ADCY8: variants seen among roughly 807,000 people sequenced by gnomAD.
The protein encoded by ADCY8 is adenylate cyclase type 8.
ADCY8 carries 51 observed loss-of-function variants against 119.7 expected under a neutral mutation model. The observed-to-expected ratio is 0.43, with a 90% CI of 0.34 to 0.54. The LOEUF is 0.54. ADCY8 is among the 20% of genes least tolerant of loss of function. The probability of loss-of-function intolerance (pLI) is 0.03; values close to 1 mark genes in which losing one functional copy is unlikely to be tolerated. For missense variants in ADCY8, 1,383 were observed against 1,598.8 expected, an observed-to-expected ratio of 0.87 and a Z score of 2.30; for synonymous variants, 665 against 651.0, an observed-to-expected ratio of 1.02 and a Z score of -0.33.
chr8:130,910,567 G>A (rs187106670), intron 5 of ADCY8, among the ~76,000 whole-genome samples: 1 of 152,300 alleles, frequency 6.6e-6, no homozygotes, highest in East Asian at 1.9e-4. Context: ...ACTTAGAGCT[G>A]TGGTCTCTGA....
chr8:130,994,498 A>G (rs1052811029), intron 1 of ADCY8, among the ~76,000 whole-genome samples: 7 of 152,212 alleles, frequency 4.6e-5, no homozygotes, highest in African/African-American at 1.7e-4. Context: ...GTTGAATCCT[A>G]TTTAGACACA....
intron 7 of ADCY8, among the ~76,000 whole-genome samples, chr8:130,885,007 G>A (rs905928375): frequency 1.3e-5 from 2 of 152,112 alleles, no homozygotes; most frequent in Admixed American, 6.5e-5. Flanking sequence ...CTTTGGTTGA[G>A]GTATTTGGAG....
intron 1 of ADCY8, among the ~76,000 whole-genome samples, chr8:131,025,191 T>A (rs556671480): frequency 1.3e-5 from 2 of 152,348 alleles, no homozygotes; most frequent in South Asian, 4.1e-4. Context: ...TGGCTCTATC[T>A]ATGATAGTGA....
intron 1 of ADCY8, among the ~76,000 whole-genome samples, chr8:130,994,471 C>A (rs1039474243): frequency 2.0e-5 from 3 of 152,220 alleles, no homozygotes; most frequent in Non-Finnish European, 4.4e-5. Context: ...GATATCTTAT[C>A]CTTTTTAGTA....
At chr8:130,833,362 T>A (rs1816896314) in intron 12 of ADCY8, among the ~76,000 whole-genome samples, 1 of 152,222 alleles carries the variant, frequency 6.6e-6, no homozygotes, top group African/African-American at 2.4e-5. Flanking sequence ...ATGCTTGATA[T>A]ACATGTAAAT....
At chr8:130,861,621 A>C (rs1211414846) in intron 9 of ADCY8, among the ~76,000 whole-genome samples, 1 of 152,146 alleles carries the variant, frequency 6.6e-6, no homozygotes, top group Non-Finnish European at 1.5e-5. Flanking sequence ...TCATTGGTAG[A>C]TAAACATAGT....
chr8:131,019,821 C>CTCTGTCTG (rs1823598631), intron 1 of ADCY8, among the ~76,000 whole-genome samples: 3 of 125,294 alleles, frequency 2.4e-5, no homozygotes, highest in African/African-American at 1.0e-4. Flanking sequence ...CTCTCTCTCT[C>CTCTGTCTG]TCTCTCTCTC....
chr8:130,793,741 T>G (rs1815494290), intron 15 of ADCY8, among the ~76,000 whole-genome samples: 1 of 152,208 alleles, frequency 6.6e-6, no homozygotes, highest in South Asian at 2.1e-4. Context: ...GAGTATTAGT[T>G]GCAGAATGAT....
At chr8:130,900,230 G>T (rs191861516) in intron 7 of ADCY8, among the ~76,000 whole-genome samples, 199 of 152,280 alleles carry the variant, frequency 1.3e-3, no homozygotes, top group Middle Eastern at 0.01. Context: ...AACCCAAATG[G>T]ATACAGATAC....
intron 15 of ADCY8, among the ~76,000 whole-genome samples, chr8:130,796,833 C>G (rs1484144546): frequency 6.6e-6 from 1 of 150,974 alleles, no homozygotes; most frequent in East Asian, 2.0e-4. Context: ...CCTCTCTCCC[C>G]TCCTCCCCAT....
chr8:130,939,657 T>C (rs1029530052), intron 4 of ADCY8, among the ~76,000 whole-genome samples: 2 of 152,234 alleles, frequency 1.3e-5, no homozygotes, highest in Non-Finnish European at 2.9e-5. Context: ...GATAAGACAC[T>C]GAAGCCACTG....
chr8:131,021,778 T>C (rs931488357), intron 1 of ADCY8, among the ~76,000 whole-genome samples: 2 of 152,172 alleles, frequency 1.3e-5, no homozygotes, highest in Non-Finnish European at 2.9e-5. Context: ...GCTTGTAAGT[T>C]TTCTGAGGCC....
At chr8:131,029,867 G>A (rs757761043) in intron 1 of ADCY8, among the ~76,000 whole-genome samples, 1 of 147,336 alleles carries the variant, frequency 6.8e-6, no homozygotes, top group South Asian at 2.2e-4. Flanking sequence ...GGTGGGGGTG[G>A]AGTAGGGGGT....
intron 1 of ADCY8, among the ~76,000 whole-genome samples, chr8:131,013,532 T>A (rs1376552755): frequency 6.6e-6 from 1 of 152,118 alleles, no homozygotes; most frequent in Admixed American, 6.5e-5. Flanking sequence ...CCTCCCCCAG[T>A]GATTTGCAAA....
At chr8:130,993,481 T>C (rs1413921688) in intron 1 of ADCY8, among the ~76,000 whole-genome samples, 1 of 152,212 alleles carries the variant, frequency 6.6e-6, no homozygotes, top group East Asian at 1.9e-4. Flanking sequence ...TTGATATGGT[T>C]TGGCTGTGTC....
At chr8:130,936,936 G>A in intron 5 of ADCY8, 137 bp downstream of exon 5, 1 of 1,065,946 alleles carries the variant, frequency 9.4e-7, no homozygotes, top group African/African-American at 1.6e-5. Flanking sequence ...GAGAACTAAG[G>A]GGCACACAGT....
At chr8:130,800,594 G>A (rs774417035) in intron 14 of ADCY8, 22 bp from the exon 15 acceptor site, 1 of 1,612,808 alleles carries the variant, frequency 6.2e-7, no homozygotes, top group Admixed American at 1.7e-5. Context: ...CACACAGAGG[G>A]CACCAGAAAT....
chr8:130,868,254 A>C (rs1398944131), intron 8 of ADCY8, among the ~76,000 whole-genome samples: 2 of 152,308 alleles, frequency 1.3e-5, no homozygotes, highest in African/African-American at 4.8e-5. Flanking sequence ...TCAAATTTGC[A>C]TTGACTTTCT....
chr8:130,976,185 G>A (rs1051758345), intron 2 of ADCY8, among the ~76,000 whole-genome samples: 1 of 152,134 alleles, frequency 6.6e-6, no homozygotes, highest in African/African-American at 2.4e-5. Flanking sequence ...TAAATAACTT[G>A]GGGGTGGGGT....
Sources: allele counts gnomAD v4.1 joint callset (sites outside exome capture counted in the v4.1 genomes callset), GRCh38; gene constraint gnomAD v4.1.1; transcripts MANE v1.5; gene names NCBI Gene and HGNC (gene_info 2026-07-23, HGNC 2026-07-21).